ARHGAP22: variants seen among roughly 807,000 people sequenced by gnomAD.
ARHGAP22 encodes Rho GTPase activating protein 22, also known as rho GTPase-activating protein 22.
ARHGAP22 carries 48 observed loss-of-function variants against 59.1 expected under a neutral mutation model. The ratio of observed to expected loss-of-function variants is 0.81; its 90% confidence interval spans 0.64 to 1.03. The LOEUF (loss-of-function observed/expected upper bound fraction) is 1.03, where lower values mean the gene tolerates loss of function less well. ARHGAP22 is among the 50% of genes least tolerant of loss of function. The pLI, the probability that ARHGAP22 is intolerant of heterozygous loss-of-function variation, is 0.00. For synonymous variants in ARHGAP22, 445 were observed against 416.4 expected, an observed-to-expected ratio of 1.07 and a Z score of -0.84; for missense variants, 1,015 against 958.7, an observed-to-expected ratio of 1.06 and a Z score of -0.78.
chr10:48,645,578 AC>A (rs2062259012), intron 1 of ARHGAP22, among the ~76,000 whole-genome samples: 1 of 152,196 alleles, frequency 6.6e-6, no homozygotes, highest in African/African-American at 2.4e-5. Context: ...AAAGCATCTG[AC>A]AAAATCCAAT....
intron 1 of ARHGAP22, among the ~76,000 whole-genome samples, chr10:48,610,349 G>A (rs759386051): frequency 3.3e-5 from 5 of 152,088 alleles, no homozygotes; most frequent in East Asian, 1.9e-4. Flanking sequence ...AGTTCAGACC[G>A]GAGCACAGAG....
chr10:48,490,216 GGCAGCTGGCAA>G (rs1347375327), intron 3 of ARHGAP22, among the ~76,000 whole-genome samples: 1 of 152,190 alleles, frequency 6.6e-6, no homozygotes, highest in Non-Finnish European at 1.5e-5. Flanking sequence ...CTTAGTCCCT[GGCAGCTGGCAA>G]GCACTGTCTA....
chr10:48,572,087 G>T (rs1164652810), intron 2 of ARHGAP22, among the ~76,000 whole-genome samples: 1 of 152,138 alleles, frequency 6.6e-6, no homozygotes, highest in Non-Finnish European at 1.5e-5. Flanking sequence ...CTTCAGTTTA[G>T]ACACCACATC....
chr10:48,526,241 A>C (rs2054311494), intron 3 of ARHGAP22, among the ~76,000 whole-genome samples: 1 of 152,180 alleles, frequency 6.6e-6, no homozygotes, highest in South Asian at 2.1e-4. Context: ...GGCAGGAAAG[A>C]ATGACTTAGA....
chr10:48,542,707 G>A (rs1262145295), intron 3 of ARHGAP22, among the ~76,000 whole-genome samples: 1 of 152,222 alleles, frequency 6.6e-6, no homozygotes, highest in Non-Finnish European at 1.5e-5. Context: ...CTCAGGGTCG[G>A]CAGTGCCAGT....
chr10:48,444,829 A>T (rs950391648), downstream of ARHGAP22: 8 of 152,200 alleles, frequency 5.3e-5, no homozygotes, highest in Non-Finnish European at 8.8e-5. Flanking sequence ...GTGAGGACTC[A>T]AAGTCACCTC....
chr10:48,516,514 C>A (rs1461125327), intron 3 of ARHGAP22, among the ~76,000 whole-genome samples: 1 of 149,952 alleles, frequency 6.7e-6, no homozygotes, highest in Non-Finnish European at 1.5e-5. Flanking sequence ...GATGACAGAG[C>A]AAGACCCTGT....
intron 3 of ARHGAP22, among the ~76,000 whole-genome samples, chr10:48,527,942 G>A (rs966733741): frequency 9.2e-5 from 14 of 152,308 alleles, no homozygotes; most frequent in Non-Finnish European, 1.5e-4. Flanking sequence ...ATATCCAGTG[G>A]GCACAATGGG....
rs2060600323 is a variant in ARHGAP22 at position 48,604,938 on chromosome 10, C to T, written c.-142G>A. 4.5e-6 allele frequency: 7 copies of T among 1,545,340 alleles called. No homozygotes were observed. The South Asian group carries it at 4.7e-5, about 10-fold the overall frequency. ...GCTGGCGTCACCCGTCAGGCTCCCT[C>T]GGCTACCTCTCCTGGCTCCGGACGG... On this transcript the variant is annotated 5_prime_UTR_variant, in exon 1 of 10. Coordinates refer to ENST00000249601, the MANE Select transcript of ARHGAP22 (RefSeq NM_021226.4).
At chr10:48,546,628 G>T in intron 3 of ARHGAP22, 1 of 170,088 alleles carries the variant, frequency 5.9e-6, no homozygotes, top group Non-Finnish European at 1.3e-5. Flanking sequence ...AAAATCATGT[G>T]TACATTTCTG....
At chr10:48,548,083 G>A (rs1267539783) in intron 3 of ARHGAP22, among the ~76,000 whole-genome samples, 1 of 152,204 alleles carries the variant, frequency 6.6e-6, no homozygotes, top group Non-Finnish European at 1.5e-5. Context: ...CTTAAGCACA[G>A]ATACTGAGAC....
intron 3 of ARHGAP22, among the ~76,000 whole-genome samples, chr10:48,517,805 T>G (rs994351758): frequency 2.6e-5 from 4 of 152,140 alleles, no homozygotes; most frequent in African/African-American, 9.7e-5. Context: ...CCTCAGAGAA[T>G]CATCAAAGTT....
intron 1 of ARHGAP22, among the ~76,000 whole-genome samples, chr10:48,592,744 C>T (rs190649643): frequency 1.3e-5 from 2 of 152,170 alleles, no homozygotes; most frequent in East Asian, 1.9e-4. Flanking sequence ...TCTTTCCCTG[C>T]CCCAGAACCC....
intron 5 of ARHGAP22, among the ~76,000 whole-genome samples, chr10:48,457,836 C>T (rs1198646412): frequency 1.3e-5 from 2 of 151,862 alleles, no homozygotes; most frequent in Non-Finnish European, 2.9e-5. Context: ...GCCAACACCC[C>T]AGCAGGCAGG....
intron 1 of ARHGAP22, among the ~76,000 whole-genome samples, chr10:48,614,290 A>T (rs2060999922): frequency 6.6e-6 from 1 of 152,238 alleles, no homozygotes; most frequent in South Asian, 2.1e-4. Flanking sequence ...AGTTGAGAAG[A>T]GGACAGTATT....
Position 48,596,719 on chromosome 10 carries a change from T to C in ARHGAP22, c.34+8044A>G, listed in dbSNP as rs993945121. Among the ~76,000 whole-genome samples, 7 of 152,358 alleles carry C rather than the reference T, an allele frequency of 4.6e-5. 1 individual carries two copies. The highest frequency in any genetic ancestry group is 1.4e-4 in the African/African-American group (6 of 41,584). On this transcript the variant is annotated intron_variant, in intron 1 of 9. Coordinates refer to ENST00000249601, the MANE Select transcript of ARHGAP22 (RefSeq NM_021226.4). ...GCAGCCTGTTGGACCTCTTCCAACT[T>C]CTGCCTTCAACCCATTCTGGTGTCT...
intron 3 of ARHGAP22, among the ~76,000 whole-genome samples, chr10:48,512,350 G>A (rs779911630): frequency 5.9e-5 from 9 of 152,218 alleles, no homozygotes; most frequent in Non-Finnish European, 1.0e-4. Flanking sequence ...CCTTAGGCAG[G>A]AAATTGCACC....
intron 3 of ARHGAP22, among the ~76,000 whole-genome samples, chr10:48,480,487 G>T (rs543786350): frequency 2.0e-5 from 3 of 152,244 alleles, no homozygotes; most frequent in Non-Finnish European, 2.9e-5. Context: ...GAATGAGTTT[G>T]TCTTTATACA....
At chr10:48,430,976 G>C in the ARHGAP22 span, 35 of 571,482 alleles carry the variant, frequency 6.1e-5, no homozygotes, top group East Asian at 1.0e-3. Flanking sequence ...TTACAGGAAA[G>C]ATTAGTACTT....
Sources: allele counts gnomAD v4.1 joint callset (sites outside exome capture counted in the v4.1 genomes callset), GRCh38; gene constraint gnomAD v4.1.1; transcripts MANE v1.5; gene names NCBI Gene and HGNC (gene_info 2026-07-23, HGNC 2026-07-21).